BRI3: variants seen among roughly 807,000 people sequenced by gnomAD.
The protein encoded by BRI3 is membrane protein BRI3.
Under a neutral mutation model 12.8 loss-of-function variants are expected in BRI3, and 6 were observed. The observed-to-expected ratio is 0.47, with a 90% CI of 0.26 to 0.93. The LOEUF (loss-of-function observed/expected upper bound fraction) is 0.93. Among genes scored for constraint, BRI3 ranks in the 40% least tolerant of loss-of-function variants. BRI3 has a pLI of 0.15. For missense variants in BRI3, 134 were observed against 171.1 expected (o/e 0.78, Z 1.21); for synonymous variants, 91 against 76.1 (o/e 1.20, Z -1.02).
exon 1 of BRI3, chr7:98,306,626 C>T (rs553626222): frequency 1.2e-4 from 178 of 1,495,804 alleles, no homozygotes; most frequent in African/African-American, 1.9e-4. Context: ...GCTCCAGAAA[C>T]GCCCATGTGT....
chr7:98,285,082 A>G (rs750238047), intron 2 of BRI3, among the ~76,000 whole-genome samples: 10 of 152,144 alleles, frequency 6.6e-5, no homozygotes, highest in Non-Finnish European at 1.5e-5. Context: ...GGCCCCCATG[A>G]GTACTGGCTG....
At chr7:98,300,495 A>G (rs1270850681) in intron 1 of BRI3, among the ~76,000 whole-genome samples, 1 of 152,188 alleles carries the variant, frequency 6.6e-6, no homozygotes, top group Non-Finnish European at 1.5e-5. Context: ...TGACCGCGCC[A>G]TGTCTTATCA....
chr7:98,294,913 G>A (rs139839272), downstream of BRI3, among the ~76,000 whole-genome samples: 814 of 152,150 alleles, frequency 5.3e-3, 9 homozygotes, highest in Middle Eastern at 0.021. Context: ...AGGTGTGTGC[G>A]CGCCTTCTTT....
chr7:98,322,338 A>T, the BRI3 span, among the ~76,000 whole-genome samples: 1 of 152,104 alleles, frequency 6.6e-6, no homozygotes, highest in Non-Finnish European at 1.5e-5. Flanking sequence ...CTTGCTGAAC[A>T]CGACCACGCA....
downstream of BRI3, chr7:98,291,705 A>C (rs2116755499): frequency 4.2e-6 from 1 of 239,082 alleles, no homozygotes; most frequent in Admixed American, 6.1e-5. Context: ...TTTACAGAGC[A>C]GGCACCTCGG....
At chr7:98,317,499 CCCCACA>C in the BRI3 span, 3 of 1,011,566 alleles carry the variant, frequency 3.0e-6, no homozygotes, top group African/African-American at 1.6e-5. Context: ...TGGCTGGGGC[CCCCACA>C]CCCACACCAG....
chr7:98,300,284 C>A (rs372487260), intron 1 of BRI3, among the ~76,000 whole-genome samples: 3 of 152,248 alleles, frequency 2.0e-5, no homozygotes, highest in East Asian at 1.9e-4. Flanking sequence ...TGCTCCCGCC[C>A]TTGGAGCAGC....
intron 2 of BRI3, among the ~76,000 whole-genome samples, chr7:98,283,804 G>C (rs940575327): frequency 2.6e-5 from 4 of 152,212 alleles, no homozygotes; most frequent in Admixed American, 2.6e-4. Flanking sequence ...GTCTGGTGAG[G>C]TGTCTCTGAA....
Position 98,282,163 on chromosome 7 carries a change from A to G in BRI3, c.143-188A>G, listed in dbSNP as rs538490378. On this transcript the variant is annotated intron_variant, in intron 1 of 2. Transcript: ENST00000297290. ...GGGGCCGGATCCCTGCCCCAGATGAACTTTGTGTCACGAGGCGCTCGCTGT... is the reference window on the plus strand; with the variant it reads ...GGGGCCGGATCCCTGCCCCAGATGAGCTTTGTGTCACGAGGCGCTCGCTGT... Among the ~76,000 whole-genome samples, 12 of 152,192 alleles carry G rather than the reference A, an allele frequency of 7.9e-5. No homozygotes were observed. The East Asian group carries it at 1.2e-3, about 15-fold the overall frequency.
downstream of BRI3, chr7:98,293,355 C>G: frequency 1.6e-6 from 1 of 623,098 alleles, no homozygotes; most frequent in Non-Finnish European, 2.8e-6. Context: ...AGAAACTTGT[C>G]AACCCAACTA....
At chr7:98,307,422 T>A (rs28728221) in intron 1 of BRI3, 15 of 1,297,550 alleles carry the variant, frequency 1.2e-5, no homozygotes, top group South Asian at 4.8e-5. Flanking sequence ...AAATTTTTTT[T>A]AAAAACAAAA....
intron 1 of BRI3, 137 bp from the exon 2 acceptor site, chr7:98,282,214 C>A (rs1584384756): frequency 3.5e-6 from 3 of 863,218 alleles, no homozygotes; most frequent in East Asian, 5.4e-5. Flanking sequence ...GAATCAGGCC[C>A]GCGGTGGCCG....
chr7:98,320,101 T>C, the BRI3 span: 6 of 1,613,356 alleles, frequency 3.7e-6, no homozygotes, highest in African/African-American at 6.7e-5. Context: ...CTCCAGCTCA[T>C]GGATAATCTC....
chr7:98,310,319 G>A lies in BRI3; in HGVS notation n.2949G>A. On this transcript the variant is annotated non_coding_transcript_exon_variant, in exon 2 of 2. Coordinates refer to the BRI3 transcript ENST00000485422. The stretch of plus-strand genomic sequence containing the variant: ...ACGCTCTGCAAAGCCAGGGCTGAAT[G>A]TATCTACCATACCTGCTTGTTTACC... The A allele has an allele frequency of 5.8e-6, 6 of 1,043,004 alleles. No individual in the cohort carries two copies. The South Asian group carries it at 9.8e-5, about 17-fold the overall frequency. 64.6% of individuals were successfully genotyped at this position (1,043,004 alleles called of 1,614,324 possible). A position where few individuals can be genotyped will look rare whatever the true frequency, so the allele number is the denominator to read the frequency against.
intron 1 of BRI3, among the ~76,000 whole-genome samples, chr7:98,299,499 G>C (rs1800333296): frequency 6.6e-6 from 1 of 150,466 alleles, no homozygotes; most frequent in Non-Finnish European, 1.5e-5. Context: ...CCTGCTTCTT[G>C]ACCACCACGT....
intron 2 of BRI3, among the ~76,000 whole-genome samples, chr7:98,289,920 T>G (rs1391271284): frequency 1.3e-5 from 2 of 152,224 alleles, no homozygotes; most frequent in African/African-American, 4.8e-5. Flanking sequence ...AGGGATGGCC[T>G]GCAGGTGTCT....
chr7:98,296,046 C>T (rs1296325057), downstream of BRI3, among the ~76,000 whole-genome samples: 2 of 152,054 alleles, frequency 1.3e-5, no homozygotes, highest in African/African-American at 4.8e-5. Flanking sequence ...ACAGCCCAGA[C>T]CAGAAACACC....
chr7:98,322,136 G>A, the BRI3 span, among the ~76,000 whole-genome samples: 1 of 152,094 alleles, frequency 6.6e-6, no homozygotes, highest in African/African-American at 2.4e-5. Context: ...GAACTGAGAG[G>A]CTGCAGGGGA....
upstream of BRI3, chr7:98,304,436 A>C: frequency 1.9e-6 from 3 of 1,559,626 alleles, no homozygotes; most frequent in South Asian, 3.4e-5. Context: ...AACCCCAAAC[A>C]TCCTCTGTGT....
Sources: gnomAD v4.1 joint callset for allele counts (sites outside exome capture counted in the v4.1 genomes callset) on GRCh38, gnomAD v4.1.1 for gene constraint, MANE v1.5 for transcripts, NCBI Gene and HGNC (gene_info 2026-07-23, HGNC 2026-07-21) for gene names.